Variants in FSHR observed in about 807,000 individuals in gnomAD.
FSHR encodes the protein follicle-stimulating hormone receptor.
Under a neutral mutation model 52.1 loss-of-function variants are expected in FSHR, and 46 were observed. That is an observed-to-expected ratio of 0.88 (90% CI 0.70 to 1.13). FSHR has a LOEUF of 1.13. FSHR is among the 50% of genes most tolerant of loss of function. The pLI is 0.00. For missense variants in FSHR, 964 were observed against 834.6 expected (o/e 1.16, Z -1.91); for synonymous variants, 399 against 309.6 (o/e 1.29, Z -3.03).
intron 6 of FSHR, among the ~76,000 whole-genome samples, chr2:48,984,813 G>A (rs961631027): frequency 2.6e-5 from 4 of 152,036 alleles, no homozygotes; most frequent in East Asian, 1.9e-4. Context: ...CCTGTAAATC[G>A]ATGTTGCTAT....
intron 1 of FSHR, among the ~76,000 whole-genome samples, chr2:49,084,552 A>G (rs1037647011): frequency 5.3e-5 from 8 of 152,228 alleles, no homozygotes; most frequent in African/African-American, 1.4e-4. Context: ...TAATGAATCC[A>G]GGAGCTGGTT....
At position 48,999,895 on chromosome 2, in the gene FSHR, C is replaced by T. The variant is rs770065001; in HGVS notation, c.375-9258G>A. On this transcript the variant is annotated intron_variant, in intron 4 of 9. Transcript: ENST00000406846. ...CTGAGTTTGGTGTTTCCTAGTTCAA[C>T]CTTGGAAGCTCTGCTAAAAGCTAAA... 8.5e-5 allele frequency among the ~76,000 whole-genome samples: 13 copies of T among 152,124 alleles called. 1 individual carries two copies. Among genetic ancestry groups the T allele is most frequent in the Non-Finnish European group, 1.9e-4 (13 of 68,000 alleles).
chr2:49,036,798 T>TG (rs1668287226), intron 2 of FSHR, among the ~76,000 whole-genome samples: 1 of 152,226 alleles, frequency 6.6e-6, no homozygotes, highest in Non-Finnish European at 1.5e-5. Flanking sequence ...ACAGTGATGT[T>TG]GCGAGTTCTG....
intron 1 of FSHR, among the ~76,000 whole-genome samples, chr2:49,078,051 A>G (rs1387209944): frequency 2.0e-5 from 3 of 152,176 alleles, no homozygotes; most frequent in African/African-American, 4.8e-5. Context: ...GTGTGTTTTC[A>G]GCAATGCCCC....
chr2:49,075,697 G>A (rs1029062530), intron 1 of FSHR, among the ~76,000 whole-genome samples: 2 of 151,910 alleles, frequency 1.3e-5, no homozygotes, highest in African/African-American at 4.8e-5. Context: ...GCATAATCAT[G>A]GCTTATTGCA....
At chr2:49,132,345 C>A (rs1262761218) in intron 1 of FSHR, among the ~76,000 whole-genome samples, 1 of 152,128 alleles carries the variant, frequency 6.6e-6, no homozygotes, top group African/African-American at 2.4e-5. Context: ...ATTTTTGTTT[C>A]TATCCTGCTC....
chr2:48,974,186 T>A (rs1344373845), intron 8 of FSHR, among the ~76,000 whole-genome samples: 1 of 152,142 alleles, frequency 6.6e-6, no homozygotes, highest in African/African-American at 2.4e-5. Flanking sequence ...TGGCTGAGAA[T>A]ATAAAAGTTA....
chr2:49,004,470 T>A (rs772633860), intron 4 of FSHR, among the ~76,000 whole-genome samples: 2 of 152,162 alleles, frequency 1.3e-5, no homozygotes, highest in Non-Finnish European at 2.9e-5. Flanking sequence ...GCCCCTCGTG[T>A]GGGGCCTGAA....
intron 1 of FSHR, among the ~76,000 whole-genome samples, chr2:49,129,888 G>A (rs765303849): frequency 4.6e-5 from 7 of 152,118 alleles, no homozygotes; most frequent in Non-Finnish European, 7.4e-5. Context: ...ATTTTAAAAT[G>A]TTTGAGTTCA....
chr2:49,023,324 G>T (rs150012914), intron 2 of FSHR, among the ~76,000 whole-genome samples: 55 of 152,220 alleles, frequency 3.6e-4, no homozygotes, highest in African/African-American at 1.2e-3. Flanking sequence ...AATTTGATAT[G>T]TAGTTAGTGC....
chr2:49,020,814 G>A (rs1419300985), intron 2 of FSHR, among the ~76,000 whole-genome samples: 2 of 152,126 alleles, frequency 1.3e-5, no homozygotes, highest in East Asian at 3.9e-4. Flanking sequence ...ATGTTTGTTG[G>A]CCCCATTAAT....
intron 1 of FSHR, among the ~76,000 whole-genome samples, chr2:49,100,460 C>G (rs1670984705): frequency 6.6e-6 from 1 of 152,154 alleles, no homozygotes; most frequent in African/African-American, 2.4e-5. Flanking sequence ...CCATGTGAGA[C>G]ATTTCTTATG....
At chr2:49,045,800 G>A (rs888437685) in intron 2 of FSHR, among the ~76,000 whole-genome samples, 1 of 152,162 alleles carries the variant, frequency 6.6e-6, no homozygotes, top group African/African-American at 2.4e-5. Context: ...CGCTGAGTGG[G>A]AAGTATGAGA....
intron 6 of FSHR, 55 bp from the exon 7 acceptor site, chr2:48,983,221 G>A (rs1285710645): frequency 2.0e-6 from 3 of 1,533,820 alleles, no homozygotes; most frequent in Non-Finnish European, 1.8e-6. Flanking sequence ...ACAATACACG[G>A]GTTTCATAAT....
intron 8 of FSHR, among the ~76,000 whole-genome samples, chr2:48,973,972 T>A (rs1444181915): frequency 7.0e-6 from 1 of 143,370 alleles, no homozygotes; most frequent in Non-Finnish European, 1.5e-5. Flanking sequence ...CTGGCATAGA[T>A]TTGGGCTCAT....
At chr2:49,104,832 T>A (rs1671165110) in intron 1 of FSHR, among the ~76,000 whole-genome samples, 1 of 147,654 alleles carries the variant, frequency 6.8e-6, no homozygotes, top group Non-Finnish European at 1.5e-5. Flanking sequence ...CAGTGCCCCC[T>A]CTTGGTATGG....
At chr2:48,993,964 C>T (rs898289180) in intron 4 of FSHR, among the ~76,000 whole-genome samples, 5 of 152,128 alleles carry the variant, frequency 3.3e-5, no homozygotes, top group African/African-American at 1.2e-4. Flanking sequence ...TTTAGCACTC[C>T]TCAAAACTCT....
chr2:49,122,253 A>G (rs2103782783), intron 1 of FSHR, among the ~76,000 whole-genome samples: 1 of 152,350 alleles, frequency 6.6e-6, no homozygotes, highest in Non-Finnish European at 1.5e-5. Context: ...CTACACGGGC[A>G]TATTCTTGGC....
chr2:49,027,836 T>G (rs1572652370), intron 2 of FSHR, among the ~76,000 whole-genome samples: 3 of 121,212 alleles, frequency 2.5e-5, no homozygotes, highest in Admixed American at 1.1e-4. Context: ...GATGACAGAG[T>G]GAGACTCTTT....
Sources: gnomAD v4.1 joint callset for allele counts (sites outside exome capture counted in the v4.1 genomes callset) on GRCh38, gnomAD v4.1.1 for gene constraint, MANE v1.5 for transcripts, NCBI Gene and HGNC (gene_info 2026-07-23, HGNC 2026-07-21) for gene names.